The following CDH19 variants were observed in gnomAD, a reference collection of about 807,000 sequenced individuals.
CDH19 encodes the protein cadherin 19, also known as cadherin-19.
CDH19 carries 67 observed loss-of-function variants against 64.2 expected under a neutral mutation model. That is an observed-to-expected ratio of 1.04 (90% CI 0.86 to 1.28). The LOEUF (loss-of-function observed/expected upper bound fraction) is 1.28, where lower values mean the gene tolerates loss of function less well. CDH19 is among the 50% of genes most tolerant of loss of function. CDH19 has a pLI of 0.00. For synonymous variants in CDH19, 346 were observed against 319.3 expected, an observed-to-expected ratio of 1.08 and a Z score of -0.89; for missense variants, 1,030 against 929.0, an observed-to-expected ratio of 1.11 and a Z score of -1.41.
intron 4 of CDH19, among the ~76,000 whole-genome samples, chr18:66,554,002 TTC>T (rs1987426869): frequency 1.1e-5 from 1 of 88,792 alleles, no homozygotes. Flanking sequence ...GCAGCTGTAT[TTC>T]ATTGTGGTTT....
chr18:66,534,873 C>T, intron 8 of CDH19, 113 bp downstream of exon 8: 1 of 658,208 alleles, frequency 1.5e-6, no homozygotes, highest in Admixed American at 3.1e-5. Flanking sequence ...CATTGAATGT[C>T]ATTTAAATAA....
At chr18:66,548,300 G>C (rs1249097220) in intron 5 of CDH19, among the ~76,000 whole-genome samples, 1 of 148,976 alleles carries the variant, frequency 6.7e-6, no homozygotes, top group Non-Finnish European at 1.5e-5. Flanking sequence ...TTGATGAGTA[G>C]ACAGATTTAC....
chr18:66,501,943 TA>T lies in CDH19; in HGVS notation c.*2868del, dbSNP rs1984963215. On this transcript the variant is annotated 3_prime_UTR_variant, in exon 12 of 12. Transcript: ENST00000262150. ...GTCCTAATTTTCTTATTTTTACCAT[TA>T]AAAATTTGAAGCTTACATACAAAGC... The T allele has an allele frequency of 6.6e-6, 1 of 152,066 alleles. No individual in the cohort carries two copies. 9.4% of individuals were successfully genotyped at this position (152,066 alleles called of 1,614,324 possible).
Position 66,554,418 on chromosome 18 carries a change from A to C in CDH19, c.597T>G (p.Val199=), listed in dbSNP as rs1381778616. The C allele has an allele frequency of 3.1e-6, 5 of 1,611,564 alleles. No individual in the cohort carries two copies. The highest frequency in any genetic ancestry group is 3.4e-6 in the Non-Finnish European group (4 of 1,178,498). Residue 199 remains valine (V), a synonymous_variant, in exon 4 of 12, where the codon GTT becomes GTG. Transcript: ENST00000262150. The part of the protein sequence containing the change: ...SLLQGQPYFS[V]EPTTGVIRIS... ...ATTCACAAATACCTGTTGTTGGTTC[A>C]ACAGAAAAATATGGCTGGCCTTGAA...
chr18:66,574,233 T>G (rs1988198399), intron 1 of CDH19, among the ~76,000 whole-genome samples: 1 of 151,540 alleles, frequency 6.6e-6, no homozygotes, highest in Admixed American at 6.6e-5. Flanking sequence ...GTATGTTTCT[T>G]TATCCTCCAT....
At chr18:66,544,515 T>C (rs1055096882) in intron 6 of CDH19, among the ~76,000 whole-genome samples, 7 of 152,018 alleles carry the variant, frequency 4.6e-5, no homozygotes, top group Non-Finnish European at 1.0e-4. Flanking sequence ...AAAGTTTTAT[T>C]ATTAGAATTA....
intron 7 of CDH19, among the ~76,000 whole-genome samples, chr18:66,536,923 G>C (rs540780783): frequency 1.3e-5 from 2 of 151,812 alleles, no homozygotes; most frequent in South Asian, 2.1e-4. Context: ...GACTTATTTA[G>C]ATATGTACCA....
At chr18:66,601,905 G>T (rs2144651367) in intron 1 of CDH19, among the ~76,000 whole-genome samples, 1 of 151,826 alleles carries the variant, frequency 6.6e-6, no homozygotes, top group Middle Eastern at 3.4e-3. Flanking sequence ...AGTCACTTTT[G>T]CAAAGACACT....
rs542184737 is a variant in CDH19 at position 66,556,595 on chromosome 18, G to A, written c.491-2071C>T. On this transcript the variant is annotated intron_variant, in intron 3 of 11. Transcript: ENST00000262150. The stretch of plus-strand genomic sequence containing the variant: ...TCATCCATGTTGTGGCAAATGGTAA[G>A]ATTTTCTTCTTTGATGAGACTTAAT... 1.5e-4 allele frequency among the ~76,000 whole-genome samples: 23 copies of A among 151,890 alleles called. 1 individual carries two copies. In the South Asian group the frequency reaches 4.6e-3, roughly 30 times the overall value.
intron 3 of CDH19, among the ~76,000 whole-genome samples, chr18:66,560,394 T>C (rs1261724366): frequency 6.6e-6 from 1 of 152,018 alleles, no homozygotes; most frequent in Non-Finnish European, 1.5e-5. Context: ...CTAACACCAA[T>C]TTTGTGATAT....
At chr18:66,529,390 A>G (rs1055975010) in intron 9 of CDH19, among the ~76,000 whole-genome samples, 1 of 151,342 alleles carries the variant, frequency 6.6e-6, no homozygotes, top group African/African-American at 2.4e-5. Context: ...TTGTATTGGC[A>G]AAGTATAAAT....
At chr18:66,571,329 T>C (rs1171663123) in intron 2 of CDH19, among the ~76,000 whole-genome samples, 1 of 151,636 alleles carries the variant, frequency 6.6e-6, no homozygotes, top group African/African-American at 2.4e-5. Flanking sequence ...AATTAAATTT[T>C]AGTGCCAGTT....
intron 1 of CDH19, among the ~76,000 whole-genome samples, chr18:66,600,788 TTG>T (rs1448873035): frequency 6.6e-6 from 1 of 151,828 alleles, no homozygotes; most frequent in Non-Finnish European, 1.5e-5. Flanking sequence ...ACCAATAAAT[TTG>T]GAGTCAAATC....
chr18:66,511,616 ATAGAT>A lies in CDH19; in HGVS notation c.1523_1527del (p.Asn508IlefsTer6), dbSNP rs1372392879. The A allele has an allele frequency of 7.7e-6, 12 of 1,560,480 alleles. No individual in the cohort carries two copies. Among genetic ancestry groups the A allele is most frequent in the East Asian group, 2.3e-5 (1 of 44,434 alleles). On this transcript the variant is annotated frameshift_variant, in exon 10 of 12. Transcript: ENST00000262150. LOFTEE classifies it high-confidence loss of function. The stretch of plus-strand genomic sequence containing the variant: ...CTTGAATTGTTAGTGTCTTCTACAG[ATAGAT>A]TAAAGTAAAAATGGTGCTCTTCTAT...
At chr18:66,602,750 C>A (rs1435840618) in intron 1 of CDH19, among the ~76,000 whole-genome samples, 1 of 151,324 alleles carries the variant, frequency 6.6e-6, no homozygotes, top group Admixed American at 6.6e-5. Flanking sequence ...TTCTAAATGA[C>A]ATAAATTGAT....
intron 5 of CDH19, among the ~76,000 whole-genome samples, chr18:66,546,092 T>C (rs568032112): frequency 1.3e-5 from 2 of 152,266 alleles, no homozygotes; most frequent in Non-Finnish European, 2.9e-5. Context: ...CATGCAATAT[T>C]TTAAAGAATG....
chr18:66,507,214 C>T (rs1348300845), intron 11 of CDH19, among the ~76,000 whole-genome samples: 1 of 151,836 alleles, frequency 6.6e-6, no homozygotes, highest in Non-Finnish European at 1.5e-5. Flanking sequence ...ATGAATTCAG[C>T]TTCATAATCA....
chr18:66,556,583 G>A (rs1422446211), intron 3 of CDH19, among the ~76,000 whole-genome samples: 1 of 151,654 alleles, frequency 6.6e-6, no homozygotes, highest in African/African-American at 2.4e-5. Flanking sequence ...TCCATGTTGT[G>A]GCAAATGGTA....
chr18:66,534,522 T>C (rs1349915303), intron 8 of CDH19, among the ~76,000 whole-genome samples: 1 of 152,042 alleles, frequency 6.6e-6, no homozygotes, highest in African/African-American at 2.4e-5. Flanking sequence ...ACTTTACAAT[T>C]CTAAATCTAT....
Sources: allele counts gnomAD v4.1 joint callset (sites outside exome capture counted in the v4.1 genomes callset), GRCh38; gene constraint gnomAD v4.1.1; transcripts MANE v1.5; gene names NCBI Gene and HGNC (gene_info 2026-07-23, HGNC 2026-07-21).